The following CNTN2 variants were observed in gnomAD, a reference collection of about 807,000 sequenced individuals.
CNTN2 encodes contactin-2.
Under a neutral mutation model 117.5 loss-of-function variants are expected in CNTN2, and 53 were observed. The observed-to-expected ratio is 0.45, with a 90% CI of 0.36 to 0.57. The LOEUF is 0.57. Among genes scored for constraint, CNTN2 ranks in the 20% least tolerant of loss-of-function variants. The probability of loss-of-function intolerance (pLI) is 0.00; values close to 1 mark genes in which losing one functional copy is unlikely to be tolerated. For missense variants in CNTN2, 1,106 were observed against 1,404.3 expected (o/e 0.79, Z 3.39); for synonymous variants, 530 against 561.7 (o/e 0.94, Z 0.80).
At position 205,070,036 on chromosome 1, in the gene CNTN2, T is replaced by C; in HGVS notation, c.2406T>C (p.Thr802=). The change falls in exon 18 of 23, where the codon ACT becomes ACC. Residue 802 remains threonine, a synonymous_variant. Transcript: ENST00000331830. ...GCGGGGATGGGCCCGAGAGCCTCAC[T>C]GCACTCGTGTACTCAGCTGAGGAAG... ...NRRGDGPESL[T]ALVYSAEEEP... is the part of the protein sequence containing the mutation. The C allele has an allele frequency of 1.9e-6, 3 of 1,613,816 alleles. No homozygotes were observed. Among genetic ancestry groups the C allele is most frequent in the African/African-American group, 1.3e-5 (1 of 75,066 alleles).
chr1:205,050,026 GTA>G (rs2096449652), intron 1 of CNTN2, among the ~76,000 whole-genome samples: 1 of 151,870 alleles, frequency 6.6e-6, no homozygotes, highest in South Asian at 2.1e-4. Context: ...AAAGAACTCT[GTA>G]AAGTGCATGT....
chr1:205,059,488 G>C lies in CNTN2; in HGVS notation c.698-95G>C. 7.7e-7 allele frequency: 1 copy of C among 1,304,790 alleles called. No homozygotes were observed. Among genetic ancestry groups the C allele is most frequent in the Non-Finnish European group, 1.1e-6 (1 of 905,186 alleles). The allele number at this position is 1,304,790 out of a possible 1,614,324, so 80.8% of individuals were successfully genotyped here. On this transcript the variant is annotated intron_variant, in intron 6 of 22. Transcript: ENST00000331830. The surrounding 1 kb of genome is among the most constrained non-coding windows in gnomAD (Gnocchi z 5.6). ...CAAGGAGATTCCACACAGCTGCCTAGACAGAGTTGGCTCTGAAAGGTGCTG... is the reference window on the plus strand; with the variant it reads ...CAAGGAGATTCCACACAGCTGCCTACACAGAGTTGGCTCTGAAAGGTGCTG...
intron 2 of CNTN2, 137 bp downstream of exon 2, chr1:205,053,392 T>C (rs2096456156): frequency 3.2e-6 from 2 of 624,834 alleles, no homozygotes; most frequent in African/African-American, 1.9e-5. Context: ...GCCATTTCCT[T>C]GCTAAAATTT....
Position 205,053,264 on chromosome 1 carries a change from G to A in CNTN2, c.70+9G>A. On this transcript the variant is annotated intron_variant, in intron 2 of 22. Coordinates refer to ENST00000331830, the MANE Select transcript of CNTN2 (RefSeq NM_005076.5). ...CCTTGTCTCCTCTTCAGGTAAGAGG[G>A]CTCATCTGGGCTTTGAAGCCTAGCA... 2 of 1,608,786 alleles carry A rather than the reference G, an allele frequency of 1.2e-6. No homozygotes were observed. The highest frequency in any genetic ancestry group is 2.7e-5 in the African/African-American group (2 of 74,900).
intron 2 of CNTN2, among the ~76,000 whole-genome samples, chr1:205,055,676 G>A (rs2096459817): frequency 1.3e-5 from 2 of 152,176 alleles, no homozygotes; most frequent in Non-Finnish European, 2.9e-5. Context: ...GAACAGTGGG[G>A]TTAAGAATGC....
chr1:205,064,269 T>G, intron 10 of CNTN2, 53 bp from the exon 11 acceptor site: 2 of 1,510,772 alleles, frequency 1.3e-6, no homozygotes, highest in Non-Finnish European at 1.8e-6. Context: ...CCAAGTAACG[T>G]CTTAATCAAG....
intron 9 of CNTN2, 114 bp downstream of exon 9, chr1:205,062,115 G>T: frequency 7.4e-7 from 1 of 1,351,336 alleles, no homozygotes; most frequent in Non-Finnish European, 1.0e-6. Flanking sequence ...GCTAATTAGG[G>T]TGTCAGAGGG....
At chr1:205,057,606 G>A (rs1285586912) in intron 2 of CNTN2, 1 of 237,528 alleles carries the variant, frequency 4.2e-6, no homozygotes, top group African/African-American at 2.3e-5. Context: ...GCTGGGTATA[G>A]AGCAGGTGCT....
chr1:205,056,172 T>A (rs1055783281), intron 2 of CNTN2, among the ~76,000 whole-genome samples: 1 of 152,132 alleles, frequency 6.6e-6, no homozygotes, highest in Non-Finnish European at 1.5e-5. Flanking sequence ...AGAGTCTGAA[T>A]GTATCAACAT....
chr1:205,052,103 C>T (rs765189824), intron 1 of CNTN2, among the ~76,000 whole-genome samples: 2 of 152,222 alleles, frequency 1.3e-5, no homozygotes, highest in South Asian at 4.1e-4. Context: ...CTTAAGTTTC[C>T]GCAAAGAGGG....
chr1:205,070,144 TC>T, intron 18 of CNTN2, 83 bp downstream of exon 18: 1 of 1,358,800 alleles, frequency 7.4e-7, no homozygotes, highest in Non-Finnish European at 1.0e-6. Flanking sequence ...GCTACTCATC[TC>T]CCAGCTCAGT....
At chr1:205,052,645 G>A (rs2096454813) in intron 1 of CNTN2, among the ~76,000 whole-genome samples, 2 of 152,150 alleles carry the variant, frequency 1.3e-5, no homozygotes, top group African/African-American at 2.4e-5. Context: ...GGGCTTACTA[G>A]CCCCCACCCA....
chr1:205,050,865 C>T (rs1189275654), intron 1 of CNTN2, among the ~76,000 whole-genome samples: 2 of 152,216 alleles, frequency 1.3e-5, no homozygotes, highest in African/African-American at 4.8e-5. Flanking sequence ...GTGATCCACC[C>T]GCCTCGGCCT....
At chr1:205,045,000 C>T (rs546532392) in intron 1 of CNTN2, among the ~76,000 whole-genome samples, 4 of 152,290 alleles carry the variant, frequency 2.6e-5, no homozygotes, top group East Asian at 3.9e-4. Flanking sequence ...AAGTCCTCAG[C>T]GAATAAGAGG....
Position 205,059,211 on chromosome 1 carries a change from C to T in CNTN2, c.615C>T (p.Tyr205=), listed in dbSNP as rs1331357575. ...CCAATGCCTCAGACCTGGGCAACTA[C>T]TCCTGTTTGGCCACCAGCCACATGG... is the stretch of plus-strand genomic sequence containing the variant. ...ARTNASDLGN[Y]SCLATSHMDF... The change falls in exon 6 of 23, where the codon TAC becomes TAT. Residue 205 remains tyrosine, a synonymous_variant. Transcript: ENST00000331830. This position sits in a 1 kb window ranked among gnomAD's most constrained non-coding sequence, Gnocchi z 5.6. The T allele has an allele frequency of 6.2e-7, 1 of 1,614,128 alleles. No individual in the cohort carries two copies. The highest frequency in any genetic ancestry group is 1.3e-5 in the African/African-American group (1 of 74,946).
intron 17 of CNTN2, 55 bp downstream of exon 17, chr1:205,069,616 G>C: frequency 6.3e-7 from 1 of 1,580,280 alleles, no homozygotes; most frequent in Non-Finnish European, 8.6e-7. Context: ...TCTCCCGCTT[G>C]AGCAGCTGCA....
chr1:205,044,847 G>A (rs1454854164), intron 1 of CNTN2, among the ~76,000 whole-genome samples: 1 of 152,158 alleles, frequency 6.6e-6, no homozygotes, highest in East Asian at 1.9e-4. Flanking sequence ...CCTGGCCTTG[G>A]GAGAAGGGAG....
intron 19 of CNTN2, among the ~76,000 whole-genome samples, chr1:205,071,612 T>C (rs1430349218): frequency 6.6e-6 from 1 of 152,172 alleles, no homozygotes; most frequent in Non-Finnish European, 1.5e-5. Flanking sequence ...AAATAAGCAT[T>C]TTCTGTCCCT....
chr1:205,064,775 C>T (rs373929209), intron 12 of CNTN2, 25 bp downstream of exon 12: 13 of 1,612,412 alleles, frequency 8.1e-6, no homozygotes, highest in African/African-American at 6.7e-5. Context: ...GTGGGTAGGC[C>T]GGGGGCTCAG....
Sources: allele counts gnomAD v4.1 joint callset (sites outside exome capture counted in the v4.1 genomes callset), GRCh38; gene constraint gnomAD v4.1.1; non-coding constraint Gnocchi (gnomAD v3.1); transcripts MANE v1.5; gene names NCBI Gene and HGNC (gene_info 2026-07-23, HGNC 2026-07-21).